Variants in SUCLG2 observed in about 807,000 individuals in gnomAD.
The protein encoded by SUCLG2 is succinate-CoA ligase GDP-forming subunit beta, also known as succinate--CoA ligase [GDP-forming] subunit beta, mitochondrial.
SUCLG2 carries 42 observed loss-of-function variants against 47.9 expected under a neutral mutation model. The observed-to-expected ratio is 0.88, with a 90% CI of 0.69 to 1.14. The LOEUF is 1.14. Among genes scored for constraint, SUCLG2 ranks in the 50% most tolerant of loss-of-function variants. The pLI, the probability that SUCLG2 is intolerant of heterozygous loss-of-function variation, is 0.00. For missense variants in SUCLG2, 571 were observed against 525.9 expected (o/e 1.09, Z -0.84); for synonymous variants, 195 against 197.3 (o/e 0.99, Z 0.10).
At chr3:67,360,612 C>A in exon 11 of SUCLG2, 1 of 1,487,944 alleles carries the variant, frequency 6.7e-7, no homozygotes, top group Non-Finnish European at 8.9e-7. Flanking sequence ...CAGCAAGTAT[C>A]TTAGCAAAGT....
chr3:67,622,871 G>C (rs796585334), intron 1 of SUCLG2, among the ~76,000 whole-genome samples: 29 of 152,262 alleles, frequency 1.9e-4, no homozygotes, highest in African/African-American at 6.3e-4. Context: ...CCATCCCTGT[G>C]CTTAGGCACT....
intron 9 of SUCLG2, among the ~76,000 whole-genome samples, chr3:67,470,217 T>C (rs980630923): frequency 6.6e-6 from 1 of 152,174 alleles, no homozygotes; most frequent in Non-Finnish European, 1.5e-5. Flanking sequence ...AATGACACAG[T>C]TCAAATGAGA....
At chr3:67,431,204 A>G (rs568254588) in intron 9 of SUCLG2, among the ~76,000 whole-genome samples, 3 of 152,344 alleles carry the variant, frequency 2.0e-5, no homozygotes, top group East Asian at 1.9e-4. Context: ...AAAATCCTCA[A>G]TAAAATACTG....
At chr3:67,369,974 T>C (rs1701930608), downstream of SUCLG2, among the ~76,000 whole-genome samples, 1 of 152,222 alleles carries the variant, frequency 6.6e-6, no homozygotes, top group Non-Finnish European at 1.5e-5. Context: ...TCTTATATTT[T>C]TGTCAAACTT....
At chr3:67,369,265 TTA>T (rs1426291774) in intron 10 of SUCLG2, among the ~76,000 whole-genome samples, 4 of 152,190 alleles carry the variant, frequency 2.6e-5, no homozygotes, top group African/African-American at 9.7e-5. Context: ...TTTTCTTCAG[TTA>T]TATGTTTTTC....
At chr3:67,371,343 G>A (rs1473286532), downstream of SUCLG2, among the ~76,000 whole-genome samples, 2 of 152,206 alleles carry the variant, frequency 1.3e-5, no homozygotes, top group African/African-American at 4.8e-5. Flanking sequence ...ATGAAAATAT[G>A]AGATAAGACT....
intron 9 of SUCLG2, among the ~76,000 whole-genome samples, chr3:67,477,555 C>T (rs946048045): frequency 5.9e-5 from 9 of 152,070 alleles, no homozygotes; most frequent in Admixed American, 5.9e-4. Flanking sequence ...ATTAGCTGGC[C>T]ATGGTGGCAG....
chr3:67,379,938 C>T (rs932138240), intron 10 of SUCLG2, among the ~76,000 whole-genome samples: 3 of 152,208 alleles, frequency 2.0e-5, no homozygotes, highest in Non-Finnish European at 2.9e-5. Flanking sequence ...CTCTAAACAT[C>T]CACTTTCCTT....
At chr3:67,376,651 CAA>C (rs1206942089) in intron 10 of SUCLG2, 1 of 312,706 alleles carries the variant, frequency 3.2e-6, no homozygotes, top group Non-Finnish European at 4.6e-6. Flanking sequence ...TGCCTTACCA[CAA>C]AGAGTGCAGA....
At chr3:67,416,917 G>C (rs1703050876) in intron 9 of SUCLG2, among the ~76,000 whole-genome samples, 1 of 152,164 alleles carries the variant, frequency 6.6e-6, no homozygotes, top group South Asian at 2.1e-4. Context: ...CTAGAGGCCA[G>C]TGTACTTCGG....
chr3:67,529,045 C>T, intron 3 of SUCLG2, 42 bp downstream of exon 3: 1 of 1,547,630 alleles, frequency 6.5e-7, no homozygotes, highest in South Asian at 1.2e-5. Context: ...TCTTCCATAA[C>T]TGCTTGGCCA....
intron 9 of SUCLG2, among the ~76,000 whole-genome samples, chr3:67,479,309 A>T (rs1704848176): frequency 6.6e-6 from 1 of 152,114 alleles, no homozygotes; most frequent in African/African-American, 2.4e-5. Flanking sequence ...AAAACAACAA[A>T]AGAAAACATT....
At chr3:67,490,581 A>G (rs990516883) in intron 9 of SUCLG2, among the ~76,000 whole-genome samples, 3 of 152,246 alleles carry the variant, frequency 2.0e-5, no homozygotes, top group Non-Finnish European at 2.9e-5. Context: ...ACATGAAGTA[A>G]CACTGATTAT....
intron 9 of SUCLG2, among the ~76,000 whole-genome samples, chr3:67,458,328 C>T (rs996369793): frequency 6.6e-6 from 1 of 152,144 alleles, no homozygotes; most frequent in Non-Finnish European, 1.5e-5. Context: ...TCACAACAAC[C>T]CTAAGAAATA....
chr3:67,371,680 T>C (rs1048147333), downstream of SUCLG2, among the ~76,000 whole-genome samples: 1 of 152,206 alleles, frequency 6.6e-6, no homozygotes, highest in Non-Finnish European at 1.5e-5. Flanking sequence ...GGGCAAGCAA[T>C]ACATTCAAGA....
intron 10 of SUCLG2, among the ~76,000 whole-genome samples, chr3:67,366,125 G>A (rs764867745): frequency 1.3e-5 from 2 of 152,054 alleles, no homozygotes; most frequent in Non-Finnish European, 2.9e-5. Context: ...CATCATCTAT[G>A]GGAAAAATCT....
At chr3:67,500,376 A>ATG (rs1705464038) in intron 7 of SUCLG2, among the ~76,000 whole-genome samples, 1 of 152,256 alleles carries the variant, frequency 6.6e-6, no homozygotes, top group Non-Finnish European at 1.5e-5. Context: ...GTATATATAT[A>ATG]GACCGCACAT....
At chr3:67,638,074 A>G (rs1317735020) in intron 1 of SUCLG2, among the ~76,000 whole-genome samples, 2 of 152,232 alleles carry the variant, frequency 1.3e-5, no homozygotes, top group Non-Finnish European at 2.9e-5. Flanking sequence ...CACAATTTTA[A>G]AAAGCTTTAA....
intron 9 of SUCLG2, among the ~76,000 whole-genome samples, chr3:67,483,875 T>G (rs1004877001): frequency 2.0e-5 from 3 of 152,214 alleles, no homozygotes; most frequent in African/African-American, 7.2e-5. Flanking sequence ...CACCCTGACT[T>G]GTACCTATGG....
Sources: gnomAD v4.1 joint callset for allele counts (sites outside exome capture counted in the v4.1 genomes callset) on GRCh38, gnomAD v4.1.1 for gene constraint, MANE v1.5 for transcripts, NCBI Gene and HGNC (gene_info 2026-07-23, HGNC 2026-07-21) for gene names.